Variants in EPHA5 observed in about 807,000 individuals in gnomAD.
EPHA5 encodes ephrin type-A receptor 5.
EPHA5 carries 60 observed loss-of-function variants against 105.0 expected under a neutral mutation model. The observed-to-expected ratio is 0.57, with a 90% confidence interval of 0.46 to 0.71. The LOEUF (loss-of-function observed/expected upper bound fraction) is 0.71, where lower values mean the gene tolerates loss of function less well. Ranked by LOEUF, EPHA5 falls within the 30% of genes least tolerant of loss-of-function variation. The pLI is 0.00. For synonymous variants in EPHA5, 513 were observed against 449.1 expected (o/e 1.14, Z -1.80); for missense variants, 1,218 against 1,274.7 (o/e 0.96, Z 0.68).
chr4:65,370,114 G>A lies in EPHA5; in HGVS notation c.1794-2690C>T, dbSNP rs116783100. 2.3e-3 allele frequency among the ~76,000 whole-genome samples: 352 copies of A among 152,182 alleles called. 1 individual carries two copies. The highest frequency in any genetic ancestry group is 8.1e-3 in the African/African-American group (338 of 41,542). On this transcript the variant is annotated intron_variant, in intron 8 of 16. Transcript: ENST00000613740. Reference sequence around the variant, plus strand: ...CTTGGGTGAGGAAAAATACACAACAGGGATCTCATGGCTTCAAATTTTATT... The same window carrying A: ...CTTGGGTGAGGAAAAATACACAACAAGGATCTCATGGCTTCAAATTTTATT...
chr4:65,377,747 T>C (rs565867808), intron 8 of EPHA5, among the ~76,000 whole-genome samples: 3 of 152,006 alleles, frequency 2.0e-5, no homozygotes, highest in Non-Finnish European at 4.4e-5. Context: ...TTTGTCCACA[T>C]ATTCATAGTA....
At chr4:65,516,497 T>C (rs187014248) in intron 3 of EPHA5, among the ~76,000 whole-genome samples, 1 of 152,012 alleles carries the variant, frequency 6.6e-6, no homozygotes, top group Non-Finnish European at 1.5e-5. Flanking sequence ...GCTCCAAGTA[T>C]AAATTTATCT....
chr4:65,623,678 C>T (rs1351562512), intron 2 of EPHA5, among the ~76,000 whole-genome samples: 3 of 152,030 alleles, frequency 2.0e-5, no homozygotes, highest in African/African-American at 4.8e-5. Context: ...TCATTAAAAA[C>T]GCTGGAGTCA....
intron 5 of EPHA5, among the ~76,000 whole-genome samples, chr4:65,448,226 C>T (rs1404221259): frequency 6.7e-6 from 1 of 148,782 alleles, no homozygotes; most frequent in Non-Finnish European, 1.5e-5. Flanking sequence ...AAAAAATCAC[C>T]AAGCTATAAA....
intron 5 of EPHA5, among the ~76,000 whole-genome samples, chr4:65,466,802 C>A (rs1300977561): frequency 2.0e-5 from 3 of 152,216 alleles, no homozygotes; most frequent in African/African-American, 7.2e-5. Flanking sequence ...TAAGCATAGA[C>A]TCCTCATCCA....
chr4:65,649,805 G>T (rs948765184), intron 1 of EPHA5, among the ~76,000 whole-genome samples: 2 of 152,146 alleles, frequency 1.3e-5, no homozygotes, highest in Admixed American at 6.6e-5. Flanking sequence ...ATTTGGTCAT[G>T]ATCACGATAG....
At chr4:65,328,146 AT>A (rs1720258155) in intron 16 of EPHA5, among the ~76,000 whole-genome samples, 1 of 151,136 alleles carries the variant, frequency 6.6e-6, no homozygotes, top group Admixed American at 6.6e-5. Flanking sequence ...CCGAAGGTCA[AT>A]TCTAGTGATA....
chr4:65,421,801 A>T (rs534634904), intron 5 of EPHA5, among the ~76,000 whole-genome samples: 3 of 152,290 alleles, frequency 2.0e-5, no homozygotes, highest in Admixed American at 1.3e-4. Flanking sequence ...TTTAGCATAT[A>T]GAAATTTAAT....
At position 65,669,843 on chromosome 4, in the gene EPHA5, C is replaced by T. The variant is rs1750313768; in HGVS notation, c.-101G>A. 8.1e-7 allele frequency: 1 copy of T among 1,231,986 alleles called. No homozygotes were observed. The highest frequency in any genetic ancestry group is 1.0e-6 in the Non-Finnish European group (1 of 988,288). The allele number at this position is 1,231,986 out of a possible 1,614,324, so 76.3% of individuals were successfully genotyped here. ...GAGACTCGGGAGTCCTCCTTGTCCC[C>T]CCTTGGGGTCCTACGCCTTCTGGCA... On this transcript the variant is annotated 5_prime_UTR_variant, in exon 1 of 17. Coordinates refer to ENST00000613740, the MANE Select transcript of EPHA5 (RefSeq NM_001281766.3).
At chr4:65,513,149 C>T (rs973562840) in intron 3 of EPHA5, among the ~76,000 whole-genome samples, 2 of 152,202 alleles carry the variant, frequency 1.3e-5, no homozygotes, top group South Asian at 4.1e-4. Flanking sequence ...GTTTGCTCTA[C>T]CCACATTTTA....
chr4:65,638,453 G>T (rs1417121086), intron 2 of EPHA5, among the ~76,000 whole-genome samples: 1 of 152,000 alleles, frequency 6.6e-6, no homozygotes, highest in Non-Finnish European at 1.5e-5. Context: ...ATGTAAATAG[G>T]CAGACTGGGC....
intron 3 of EPHA5, among the ~76,000 whole-genome samples, chr4:65,560,028 C>G (rs762420346): frequency 4.6e-5 from 7 of 151,912 alleles, no homozygotes; most frequent in Non-Finnish European, 8.8e-5. Context: ...CTCTCATTCA[C>G]AAAAAAAGGT....
rs573409026 is a variant in EPHA5 at position 65,324,015 on chromosome 4, C to A, written c.*99G>T. ...CAAATGTTTTCTAAGGTTTAGAAATCACTGTTTTCCCTTTTCCCCCTTTTT... is the reference window on the plus strand; with the variant it reads ...CAAATGTTTTCTAAGGTTTAGAAATAACTGTTTTCCCTTTTCCCCCTTTTT... On this transcript the variant is annotated 3_prime_UTR_variant, in exon 17 of 17. Coordinates refer to ENST00000613740, the MANE Select transcript of EPHA5 (RefSeq NM_001281766.3). The A allele has an allele frequency of 5.2e-6, 4 of 773,104 alleles. No individual in the cohort carries two copies. Among genetic ancestry groups the A allele is most frequent in the African/African-American group, 1.8e-5 (1 of 56,450 alleles). 47.9% of individuals were successfully genotyped at this position (773,104 alleles called of 1,614,324 possible). A position where few individuals can be genotyped will look rare whatever the true frequency, so the allele number is the denominator to read the frequency against.
intron 3 of EPHA5, among the ~76,000 whole-genome samples, chr4:65,573,211 A>C (rs1388092010): frequency 2.0e-5 from 3 of 151,524 alleles, no homozygotes; most frequent in African/African-American, 4.9e-5. Context: ...GGATATAGAG[A>C]CCATCCTCGC....
At chr4:65,597,458 T>TA (rs5858971) in intron 3 of EPHA5, among the ~76,000 whole-genome samples, 73,333 of 147,624 alleles carry the variant, frequency 0.5, 19,469 homozygotes, top group Middle Eastern at 0.65. Context: ...CATTTTTTAC[T>TA]AAAAAAAAAA....
At chr4:65,346,131 A>AT (rs1318967663) in intron 14 of EPHA5, among the ~76,000 whole-genome samples, 4 of 148,402 alleles carry the variant, frequency 2.7e-5, no homozygotes, top group Admixed American at 2.7e-4. Context: ...AAAGTTAAAC[A>AT]TTTTTTCATA....
intron 3 of EPHA5, among the ~76,000 whole-genome samples, chr4:65,585,932 C>G (rs1004085145): frequency 1.3e-5 from 2 of 150,694 alleles, no homozygotes; most frequent in African/African-American, 2.4e-5. Flanking sequence ...ACTTTTTTTT[C>G]TACGTCAAAT....
At chr4:65,532,677 T>C (rs1413673817) in intron 3 of EPHA5, among the ~76,000 whole-genome samples, 1 of 151,092 alleles carries the variant, frequency 6.6e-6, no homozygotes, top group Non-Finnish European at 1.5e-5. Flanking sequence ...TACAGTTTTT[T>C]TTTTTTTTTT....
Position 65,438,015 on chromosome 4 carries a change from A to G in EPHA5, c.1403-17450T>C, listed in dbSNP as rs1429703119. 7.2e-5 allele frequency among the ~76,000 whole-genome samples: 11 copies of G among 152,122 alleles called. 1 individual carries two copies. The South Asian group carries it at 2.3e-3, about 32-fold the overall frequency. ...ATTAAATCCTCTGGATTCAGAAAAC[A>G]GTATTTATCTGCTTATACAGCATCA... On this transcript the variant is annotated intron_variant, in intron 5 of 16. Transcript: ENST00000613740.
Sources: gnomAD v4.1 joint callset for allele counts (sites outside exome capture counted in the v4.1 genomes callset) on GRCh38, gnomAD v4.1.1 for gene constraint, MANE v1.5 for transcripts, NCBI Gene and HGNC (gene_info 2026-07-23, HGNC 2026-07-21) for gene names.